The following ADAMTSL3 variants were observed in gnomAD, a reference collection of about 807,000 sequenced individuals.
The protein encoded by ADAMTSL3 is ADAMTS like 3.
A neutral mutation model predicts 201.7 loss-of-function variants in ADAMTSL3; 128 were observed. The observed-to-expected ratio is 0.63, with a 90% CI of 0.55 to 0.73. The LOEUF (loss-of-function observed/expected upper bound fraction) is 0.73, where lower values mean the gene tolerates loss of function less well. Among genes scored for constraint, ADAMTSL3 ranks in the 30% least tolerant of loss-of-function variants. ADAMTSL3 has a pLI of 0.00. For missense variants in ADAMTSL3, 1,990 were observed against 2,119.6 expected (o/e 0.94, Z 1.20); for synonymous variants, 738 against 748.4 (o/e 0.99, Z 0.23).
chr15:83,838,047 C>T, intron 6 of ADAMTSL3, 42 bp from the exon 7 acceptor site: 1 of 1,584,510 alleles, frequency 6.3e-7, no homozygotes, highest in Non-Finnish European at 8.5e-7. Flanking sequence ...CTCCCCCTCC[C>T]CTGGCTTTGG....
intron 3 of ADAMTSL3, among the ~76,000 whole-genome samples, chr15:83,720,357 C>T (rs1208573904): frequency 4.8e-4 from 73 of 152,144 alleles, no homozygotes; most frequent in Non-Finnish European, 7.4e-5. Flanking sequence ...AAGCATTTTA[C>T]AATTAAACAT....
intron 17 of ADAMTSL3, among the ~76,000 whole-genome samples, chr15:83,931,728 T>A (rs971659977): frequency 3.3e-5 from 5 of 152,130 alleles, no homozygotes; most frequent in African/African-American, 1.2e-4. Flanking sequence ...AACAACTACC[T>A]GGGCTAGGAA....
At chr15:83,728,926 C>T (rs1019624863) in intron 3 of ADAMTSL3, among the ~76,000 whole-genome samples, 1 of 152,064 alleles carries the variant, frequency 6.6e-6, no homozygotes, top group African/African-American at 2.4e-5. Context: ...GCGTTTCTTG[C>T]AGAGCAAGTC....
chr15:83,654,609 G>C lies in ADAMTSL3; in HGVS notation c.-34+333G>C, dbSNP rs1320444575. On this transcript the variant is annotated intron_variant, in intron 1 of 29. Transcript: ENST00000286744. The surrounding 1 kb of genome is among the most constrained non-coding windows in gnomAD (Gnocchi z 5.3). ...GGAGTTACTAAGCAGAAACCTCGCG[G>C]GTCCGAAGGTCCGGCCGGTTGACCA... Among the ~76,000 whole-genome samples the C allele has an allele frequency of 6.6e-6, 1 of 152,148 alleles. No homozygotes were observed. The highest frequency in any genetic ancestry group is 2.4e-5 in the African/African-American group (1 of 41,460).
intron 15 of ADAMTSL3, among the ~76,000 whole-genome samples, chr15:83,910,637 T>C (rs1452364359): frequency 4.5e-5 from 1 of 22,142 alleles, no homozygotes; most frequent in Non-Finnish European, 6.7e-5. Flanking sequence ...AGGTGAACCT[T>C]TTTTTTTTTT....
chr15:83,910,842 G>T (rs2065918956), intron 15 of ADAMTSL3, among the ~76,000 whole-genome samples: 1 of 148,966 alleles, frequency 6.7e-6, no homozygotes, highest in Non-Finnish European at 1.5e-5. Context: ...GTTTCGCCAT[G>T]TTGGCCAGGC....
At chr15:83,851,706 T>C (rs901309935) in intron 7 of ADAMTSL3, among the ~76,000 whole-genome samples, 5 of 152,234 alleles carry the variant, frequency 3.3e-5, no homozygotes, top group Non-Finnish European at 7.3e-5. Context: ...AGAGATTACA[T>C]GTGTTATCAT....
At chr15:83,853,282 T>A (rs1325132283) in intron 7 of ADAMTSL3, among the ~76,000 whole-genome samples, 1 of 152,188 alleles carries the variant, frequency 6.6e-6, no homozygotes, top group Non-Finnish European at 1.5e-5. Context: ...TCTAATAATT[T>A]TTTAATATTA....
rs199537231 is a variant in ADAMTSL3, at chr15:83,870,759, C to T, written c.803-43C>T. The T allele has an allele frequency of 3.6e-3, 5,341 of 1,472,092 alleles. 220 individuals carry two copies. In the South Asian group the frequency reaches 0.066, roughly 18 times the overall value. 91.2% of individuals were successfully genotyped at this position (1,472,092 alleles called of 1,614,324 possible). Reference sequence around the variant, plus strand: ...TAAAATGTCTTTTGTAATAAAATACCTTTAAGATTGTTTCTTATTTGAATC... The same window carrying T: ...TAAAATGTCTTTTGTAATAAAATACTTTTAAGATTGTTTCTTATTTGAATC... On this transcript the variant is annotated intron_variant, in intron 8 of 29. Coordinates refer to ENST00000286744, the MANE Select transcript of ADAMTSL3 (RefSeq NM_207517.3).
chr15:83,674,053 T>G (rs1256383197), intron 2 of ADAMTSL3, among the ~76,000 whole-genome samples: 3 of 89,800 alleles, frequency 3.3e-5, no homozygotes, highest in African/African-American at 1.9e-4. Flanking sequence ...TATTTTTATG[T>G]TTTTTTTTTT....
At chr15:83,761,865 G>C (rs1250153329) in intron 3 of ADAMTSL3, among the ~76,000 whole-genome samples, 3 of 152,176 alleles carry the variant, frequency 2.0e-5, no homozygotes, top group East Asian at 1.9e-4. Context: ...AAAAGAACAA[G>C]CTACTTGTCT....
Position 83,870,888 on chromosome 15 carries a change from G to A in ADAMTSL3, c.889G>A (p.Glu297Lys), listed in dbSNP as rs1173035594. ...GVFLVENTTV[E>K]FQRGSERQTF... is the part of the protein sequence containing the mutation. ...CTTTCTCGTAGAAAACACAACAGTGGAATTTCAGAGGGGCTCCGAGAGGCA... is the reference window on the plus strand; with the variant it reads ...CTTTCTCGTAGAAAACACAACAGTGAAATTTCAGAGGGGCTCCGAGAGGCA... Residue 297 changes from glutamate to lysine, a missense_variant, in exon 9 of 30, where the codon GAA becomes AAA. By Grantham distance (56) the Glu-to-Lys change is moderately conservative (BLOSUM62 1). Transcript: ENST00000286744. The A allele has an allele frequency of 6.2e-7, 1 of 1,613,402 alleles. No individual in the cohort carries two copies. The highest frequency in any genetic ancestry group is 1.7e-5 in the Admixed American group (1 of 59,898).
At chr15:83,828,836 T>G (rs2064085258) in intron 6 of ADAMTSL3, among the ~76,000 whole-genome samples, 1 of 152,222 alleles carries the variant, frequency 6.6e-6, no homozygotes, top group African/African-American at 2.4e-5. Context: ...GTTTATTGAT[T>G]TTCATATGTT....
At position 83,872,627 on chromosome 15, in the gene ADAMTSL3, C is replaced by CACACACACACACACACAGAG. The variant is rs6145659; in HGVS notation, c.960+1669_960+1670insCACACACACACACACAGAGA. ...ACACACACACACACACACACACACA[C>CACACACACACACACACAGAG]AGAGTTTTTGTTCTCTTTTAATTAC... is the stretch of plus-strand genomic sequence containing the variant. On this transcript the variant is annotated intron_variant, in intron 9 of 29. Coordinates refer to ENST00000286744, the MANE Select transcript of ADAMTSL3 (RefSeq NM_207517.3). 2.6e-3 allele frequency among the ~76,000 whole-genome samples: 364 copies of CACACACACACACACACAGAG among 140,970 alleles called. 5 individuals are homozygous for CACACACACACACACACAGAG. Among genetic ancestry groups the CACACACACACACACACAGAG allele is most frequent in the African/African-American group, 8.9e-3 (320 of 35,922 alleles). 92.5% of individuals were successfully genotyped at this position (140,970 alleles called of 152,430 possible). A position where few individuals can be genotyped will look rare whatever the true frequency, so the allele number is the denominator to read the frequency against.
intron 16 of ADAMTSL3, among the ~76,000 whole-genome samples, chr15:83,914,555 TGCG>T (rs2065994369): frequency 6.6e-6 from 1 of 152,234 alleles, no homozygotes. Context: ...ACTACTGCCT[TGCG>T]GACAGAGTTG....
chr15:83,877,669 C>G (rs12902486), intron 9 of ADAMTSL3, among the ~76,000 whole-genome samples: 21,080 of 152,134 alleles, frequency 0.14, 1,899 homozygotes, highest in Middle Eastern at 0.33. Flanking sequence ...ATCTGTATGT[C>G]AATTTAAGGA....
At chr15:83,686,277 G>C (rs1245938331) in intron 2 of ADAMTSL3, among the ~76,000 whole-genome samples, 1 of 152,216 alleles carries the variant, frequency 6.6e-6, no homozygotes, top group Non-Finnish European at 1.5e-5. Context: ...ATATCGGTCA[G>C]TGTTTTACTG....
chr15:83,823,964 CTT>C (rs2063953034), intron 6 of ADAMTSL3, among the ~76,000 whole-genome samples: 1 of 84,326 alleles, frequency 1.2e-5, no homozygotes, highest in African/African-American at 3.6e-5. Context: ...TCTTCTTCTT[CTT>C]CTTCTTCTCC....
intron 7 of ADAMTSL3, among the ~76,000 whole-genome samples, chr15:83,855,784 A>T (rs1338975097): frequency 1.3e-5 from 2 of 152,168 alleles, no homozygotes; most frequent in Non-Finnish European, 2.9e-5. Flanking sequence ...TACTGATTTT[A>T]TGGAGGAGAG....
Sources: gnomAD v4.1 joint callset for allele counts (sites outside exome capture counted in the v4.1 genomes callset) on GRCh38, gnomAD v4.1.1 for gene constraint, Gnocchi (gnomAD v3.1) non-coding constraint, MANE v1.5 for transcripts, NCBI Gene and HGNC (gene_info 2026-07-23, HGNC 2026-07-21) for gene names.